The following TFCP2 variants were observed in gnomAD, a reference collection of about 807,000 sequenced individuals.
The protein encoded by TFCP2 is transcription factor CP2, also known as alpha-globin transcription factor CP2.
In TFCP2, 33 loss-of-function variants were observed where a neutral mutation model predicts 73.4. The observed-to-expected ratio is 0.45, with a 90% CI of 0.34 to 0.60. TFCP2 has a LOEUF of 0.60. Among genes scored for constraint, TFCP2 ranks in the 20% least tolerant of loss-of-function variants. The probability of loss-of-function intolerance (pLI) is 0.01; values close to 1 mark genes in which losing one functional copy is unlikely to be tolerated. For synonymous variants in TFCP2, 193 were observed against 211.6 expected, an observed-to-expected ratio of 0.91 and a Z score of 0.76; for missense variants, 352 against 604.0, an observed-to-expected ratio of 0.58 and a Z score of 4.37.
Position 51,101,772 on chromosome 12 carries a change from G to T in TFCP2, c.1151+163C>A, listed in dbSNP as rs577901345. 1.6e-4 allele frequency among the ~76,000 whole-genome samples: 25 copies of T among 152,230 alleles called. 1 individual carries two copies. In the East Asian group the frequency reaches 4.8e-3, roughly 29 times the overall value. On this transcript the variant is annotated intron_variant, in intron 11 of 14. Transcript: ENST00000257915. ...TCATGGGGAATTCCTTGGACAAAGTGCAAGAAAACATTTTTCTAAAATCTT... is the reference window on the plus strand; with the variant it reads ...TCATGGGGAATTCCTTGGACAAAGTTCAAGAAAACATTTTTCTAAAATCTT...
Position 51,132,357 on chromosome 12 carries a change from C to CT in TFCP2, c.123-13586dup, listed in dbSNP as rs869123355. Reference sequence around the variant, plus strand: ...TGCAAGTTCTGGTTTAGGGATTAGTCTTTTTTTTTTTTTTTTTTTTTTTTT... The same window carrying CT: ...TGCAAGTTCTGGTTTAGGGATTAGTCTTTTTTTTTTTTTTTTTTTTTTTTTT... On this transcript the variant is annotated intron_variant, in intron 1 of 14. Transcript: ENST00000257915. Among the ~76,000 whole-genome samples the CT allele has an allele frequency of 7.4e-4, 46 of 61,784 alleles. 3 individuals are homozygous for CT. The highest frequency in any genetic ancestry group is 3.3e-3 in the Admixed American group (12 of 3,670). 40.5% of individuals were successfully genotyped at this position (61,784 alleles called of 152,430 possible).
intron 1 of TFCP2, among the ~76,000 whole-genome samples, chr12:51,124,156 C>T (rs998974818): frequency 6.6e-6 from 1 of 151,636 alleles, no homozygotes; most frequent in African/African-American, 2.4e-5. Context: ...GGTACAGTGG[C>T]GTGATCAAAG....
intron 1 of TFCP2, among the ~76,000 whole-genome samples, chr12:51,130,997 A>G (rs1324519607): frequency 2.0e-5 from 3 of 150,832 alleles, no homozygotes; most frequent in Non-Finnish European, 4.4e-5. Context: ...CAAAAAAAAA[A>G]ATTATTTGTA....
chr12:51,104,236 C>T, intron 8 of TFCP2, 33 bp from the exon 9 acceptor site: 2 of 1,587,230 alleles, frequency 1.3e-6, no homozygotes, highest in South Asian at 2.2e-5. Context: ...AGGATGAGTC[C>T]ATGACACATG....
At chr12:51,120,870 A>G (rs1940648614) in intron 1 of TFCP2, among the ~76,000 whole-genome samples, 1 of 144,856 alleles carries the variant, frequency 6.9e-6, no homozygotes, top group South Asian at 2.2e-4. Context: ...AGATTGTGCC[A>G]CTGCACTCCA....
chr12:51,105,709 C>T (rs1020494805), intron 8 of TFCP2, among the ~76,000 whole-genome samples: 1 of 152,152 alleles, frequency 6.6e-6, no homozygotes, highest in African/African-American at 2.4e-5. Context: ...CCCTCTACAA[C>T]TAATACCTAC....
chr12:51,119,227 C>T (rs1050022216), intron 1 of TFCP2, among the ~76,000 whole-genome samples: 4 of 152,172 alleles, frequency 2.6e-5, no homozygotes, highest in African/African-American at 9.7e-5. Context: ...GTATATATTT[C>T]AAGGTCATCT....
In TFCP2 at chr12:51,150,634, C is replaced by G. The variant is rs567969682; in HGVS notation, c.122+21667G>C. 8.7e-4 allele frequency among the ~76,000 whole-genome samples: 132 copies of G among 151,968 alleles called. 3 individuals carry two copies. The South Asian group carries it at 0.027, about 31-fold the overall frequency. ...AAAGAGAGAAGATTTGGAAGATGGA[C>G]AGATGATAATTGAAGTGGGGAGAAA... On this transcript the variant is annotated intron_variant, in intron 1 of 14. Coordinates refer to ENST00000257915, the MANE Select transcript of TFCP2 (RefSeq NM_005653.5).
At chr12:51,125,262 A>G (rs762870397) in intron 1 of TFCP2, 1 of 576,784 alleles carries the variant, frequency 1.7e-6, no homozygotes, top group Admixed American at 2.1e-5. Flanking sequence ...CCCTACCACA[A>G]TGTCCTGTCA....
chr12:51,097,907 T>G (rs1027060993), intron 13 of TFCP2, among the ~76,000 whole-genome samples: 4 of 151,618 alleles, frequency 2.6e-5, no homozygotes, highest in African/African-American at 9.7e-5. Context: ...TACCAGCTAC[T>G]TGGGAGGCTG....
intron 12 of TFCP2, among the ~76,000 whole-genome samples, 174 bp downstream of exon 12, chr12:51,099,477 CAAAA>C (rs11296144): frequency 7.2e-6 from 1 of 138,146 alleles, no homozygotes; most frequent in Non-Finnish European, 1.6e-5. Flanking sequence ...GACTCTGTCT[CAAAA>C]AAAAAAAAAA....
In TFCP2 at chr12:51,124,734, T is replaced by G. The variant is rs113164317; in HGVS notation, c.123-5962A>C. On this transcript the variant is annotated intron_variant, in intron 1 of 14. Coordinates refer to ENST00000257915, the MANE Select transcript of TFCP2 (RefSeq NM_005653.5). Reference sequence around the variant, plus strand: ...CAGCTCGGTTGCCTTGGAGTCGCCCTCAGCAGAGATCACGGCTGCCTTTTT... The same window carrying G: ...CAGCTCGGTTGCCTTGGAGTCGCCCGCAGCAGAGATCACGGCTGCCTTTTT... The G allele has an allele frequency of 1.1e-5, 8 of 715,524 alleles. 1 individual carries two copies. The highest frequency in any genetic ancestry group is 8.7e-5 in the African/African-American group (5 of 57,668). 44.3% of individuals were successfully genotyped at this position (715,524 alleles called of 1,614,324 possible).
At chr12:51,101,682 G>A (rs1940112484) in intron 11 of TFCP2, among the ~76,000 whole-genome samples, 1 of 152,078 alleles carries the variant, frequency 6.6e-6, no homozygotes, top group South Asian at 2.1e-4. Flanking sequence ...ATAGTACCTG[G>A]CTCATGAAAA....
chr12:51,102,326 C>T (rs746069276), intron 10 of TFCP2, among the ~76,000 whole-genome samples: 2 of 152,134 alleles, frequency 1.3e-5, no homozygotes, highest in African/African-American at 2.4e-5. Flanking sequence ...TGCCTGTAGT[C>T]CCAGCTACTC....
chr12:51,124,770 ACCTTTTTCTGCTGCTCAG>A (rs760516889), intron 1 of TFCP2: 90 of 777,572 alleles, frequency 1.2e-4, no homozygotes, highest in African/African-American at 7.3e-4. Flanking sequence ...CTGCTGCTCA[ACCTTTTTCTGCTGCTCAG>A]CCTTTTTCTG....
intron 4 of TFCP2, 112 bp from the exon 5 acceptor site, chr12:51,111,095 C>A: frequency 1.4e-6 from 1 of 714,326 alleles, no homozygotes; most frequent in Non-Finnish European, 2.4e-6. Context: ...TTGTATATCA[C>A]ATCCTAAATT....
chr12:51,156,174 G>A (rs2137035867), intron 1 of TFCP2, among the ~76,000 whole-genome samples: 2 of 152,240 alleles, frequency 1.3e-5, no homozygotes, highest in South Asian at 4.1e-4. Context: ...ACCTGAGGCT[G>A]GGTAATTTAC....
At chr12:51,106,292 G>A (rs1391939483) in intron 8 of TFCP2, among the ~76,000 whole-genome samples, 6 of 152,034 alleles carry the variant, frequency 3.9e-5, no homozygotes, top group East Asian at 3.9e-4. Flanking sequence ...TTTCTAGTGG[G>A]GGGAAAAAAG....
Position 51,106,574 on chromosome 12 carries a change from G to A in TFCP2, c.868C>T (p.Pro290Ser). 6.2e-7 allele frequency: 1 copy of A among 1,613,340 alleles called. No homozygotes were observed. The highest frequency in any genetic ancestry group is 8.5e-7 in the Non-Finnish European group (1 of 1,179,734). The change falls in exon 8 of 15, where the codon CCA becomes TCA. Residue 290 changes from proline to serine, a missense_variant. Around this residue, in one of 6 missense-constraint regions of TFCP2, gnomAD observed 194 missense variants for 256.3 expected, o/e 0.76. Transcript: ENST00000257915. ...TGGGAACTGTTGAAGCCAGGTGATG[G>A]GGAGTTATTGACATACGTGATCTCG... ...WPEITYVNNS[P>S]SPGFNSSHSS...
Sources: allele counts gnomAD v4.1 joint callset (sites outside exome capture counted in the v4.1 genomes callset), GRCh38; gene constraint gnomAD v4.1.1; regional missense constraint gnomAD v4.1.1; transcripts MANE v1.5; gene names NCBI Gene and HGNC (gene_info 2026-07-23, HGNC 2026-07-21).